ADAT2: variants seen among roughly 807,000 people sequenced by gnomAD.
The protein encoded by ADAT2 is tRNA-specific adenosine-34 deaminase catalytic subunit ADAT2.
Under a neutral mutation model 25.9 loss-of-function variants are expected in ADAT2, and 26 were observed. The observed-to-expected ratio is 1.00, with a 90% CI of 0.74 to 1.39. The LOEUF (loss-of-function observed/expected upper bound fraction) is 1.39, where lower values mean the gene tolerates loss of function less well. Ranked by LOEUF, ADAT2 falls within the 40% of genes most tolerant of loss-of-function variation. The pLI is 0.00. For missense variants in ADAT2, 220 were observed against 244.8 expected (o/e 0.90, Z 0.68); for synonymous variants, 76 against 86.8 (o/e 0.88, Z 0.69).
chr6:143,430,459 C>T (rs1442611249), intron 4 of ADAT2, among the ~76,000 whole-genome samples: 1 of 151,986 alleles, frequency 6.6e-6, no homozygotes, highest in Non-Finnish European at 1.5e-5. Flanking sequence ...TTACAGGCCT[C>T]GAAGGAAACT....
At position 143,425,582 on chromosome 6, in the gene ADAT2, G is replaced by C. The variant is rs888702938; in HGVS notation, c.*2881C>G. 1 of 151,910 alleles carries C rather than the reference G, an allele frequency of 6.6e-6. No homozygotes were observed. Among genetic ancestry groups the C allele is most frequent in the African/African-American group, 2.4e-5 (1 of 41,334 alleles). The allele number at this position is 151,910 out of a possible 1,614,324, so 9.4% of individuals were successfully genotyped here. On this transcript the variant is annotated 3_prime_UTR_variant, in exon 6 of 6. Coordinates refer to ENST00000237283, the MANE Select transcript of ADAT2 (RefSeq NM_182503.3). ...ACCCTAGACTGGACCTGGGATTATA[G>C]GGTAGTGGGAGAACTTCTTTACAGG...
At position 143,428,226 on chromosome 6, in the gene ADAT2, AT is replaced by A; in HGVS notation, c.*236del. The A allele has an allele frequency of 5.3e-6, 3 of 567,036 alleles. No homozygotes were observed. Among genetic ancestry groups the A allele is most frequent in the Non-Finnish European group, 9.3e-6 (3 of 323,222 alleles). 35.1% of individuals were successfully genotyped at this position (567,036 alleles called of 1,614,324 possible). ...CTAATTTCTAAAACCTCAAACCTTA[AT>A]TTTCCCCCATCTTAAAATGGGAATC... On this transcript the variant is annotated 3_prime_UTR_variant, in exon 6 of 6. Coordinates refer to ENST00000237283, the MANE Select transcript of ADAT2 (RefSeq NM_182503.3). This position sits in a 1 kb window ranked among gnomAD's most constrained non-coding sequence, Gnocchi z 5.0.
intron 4 of ADAT2, among the ~76,000 whole-genome samples, chr6:143,431,459 A>G (rs1779114196): frequency 6.6e-6 from 1 of 152,254 alleles, no homozygotes; most frequent in African/African-American, 2.4e-5. Context: ...TGAGCTACTA[A>G]CAGAAGTGAT....
chr6:143,447,178 G>T (rs1014147871), intron 1 of ADAT2, among the ~76,000 whole-genome samples: 10 of 152,200 alleles, frequency 6.6e-5, no homozygotes, highest in Admixed American at 3.3e-4. Context: ...TTATATGTGG[G>T]TGCTGACTAC....
chr6:143,431,853 G>A (rs907634151), intron 4 of ADAT2, among the ~76,000 whole-genome samples: 1 of 152,158 alleles, frequency 6.6e-6, no homozygotes, highest in African/African-American at 2.4e-5. Context: ...TAGGGGTATA[G>A]TCACAGGCCA....
intron 1 of ADAT2, among the ~76,000 whole-genome samples, chr6:143,448,018 C>T (rs1051114038): frequency 3.9e-5 from 6 of 152,134 alleles, no homozygotes; most frequent in Admixed American, 6.5e-5. Flanking sequence ...CAATTATAGA[C>T]TGGATTAAGC....
intron 1 of ADAT2, among the ~76,000 whole-genome samples, chr6:143,441,108 C>A (rs9496636): frequency 0.23 from 35,130 of 152,086 alleles, 4,638 homozygotes; most frequent in Middle Eastern, 0.3. Context: ...TTGATTGGGG[C>A]TCACTAAAAT....
intron 1 of ADAT2, 77 bp from the exon 2 acceptor site, chr6:143,438,771 T>C (rs143680709): frequency 8.4e-7 from 1 of 1,187,388 alleles, no homozygotes. Flanking sequence ...AGATGCAGCA[T>C]GAACAAGATA....
In ADAT2 at chr6:143,444,873, C is replaced by T; in HGVS notation, c.96+5690G>A. 3 of 1,224,708 alleles carry T rather than the reference C, an allele frequency of 2.4e-6. No homozygotes were observed. The highest frequency in any genetic ancestry group is 3.2e-6 in the Non-Finnish European group (3 of 925,696). The allele number at this position is 1,224,708 out of a possible 1,614,324, so 75.9% of individuals were successfully genotyped here. A position where few individuals can be genotyped will look rare whatever the true frequency, so the allele number is the denominator to read the frequency against. On this transcript the variant is annotated intron_variant, in intron 1 of 5. Transcript: ENST00000237283. The surrounding 1 kb of genome is among the most constrained non-coding windows in gnomAD (Gnocchi z 4.3). ...ATTATTTTCTCCAAAGACATTACTA[C>T]TATAAACTGCTTTCTAGTGATGTCA...
chr6:143,437,672 C>T lies in ADAT2; in HGVS notation c.201+918G>A, dbSNP rs1779331103. ...TTTGTGAATCTGGATTCCTATTTTA[C>T]ATGTGTTTTGCTAAATATCAGTTTT... On this transcript the variant is annotated intron_variant, in intron 2 of 5. Transcript: ENST00000237283. The surrounding 1 kb of genome is among the most constrained non-coding windows in gnomAD (Gnocchi z 4.1). 6.6e-6 allele frequency among the ~76,000 whole-genome samples: 1 copy of T among 152,042 alleles called. No homozygotes were observed. Among genetic ancestry groups the T allele is most frequent in the South Asian group, 2.1e-4 (1 of 4,828 alleles).
At position 143,433,012 on chromosome 6, in the gene ADAT2, C is replaced by A. The variant is rs959659197; in HGVS notation, c.353-401G>T. 7.2e-5 allele frequency among the ~76,000 whole-genome samples: 11 copies of A among 152,226 alleles called. No individual in the cohort carries two copies. In the South Asian group the frequency reaches 1.0e-3, roughly 14 times the overall value. On this transcript the variant is annotated intron_variant, in intron 3 of 5. Coordinates refer to ENST00000237283, the MANE Select transcript of ADAT2 (RefSeq NM_182503.3). ...TGTTCTTGCCCCAAATAAAATATAA[C>A]CTGTGCCCTAATACAAAATAGACTA... is the stretch of plus-strand genomic sequence containing the variant.
chr6:143,444,880 C>G lies in ADAT2; in HGVS notation c.96+5683G>C. On this transcript the variant is annotated intron_variant, in intron 1 of 5. Coordinates refer to ENST00000237283, the MANE Select transcript of ADAT2 (RefSeq NM_182503.3). The surrounding 1 kb of genome is among the most constrained non-coding windows in gnomAD (Gnocchi z 4.3). Reference sequence around the variant, plus strand: ...TCTCCAAAGACATTACTACTATAAACTGCTTTCTAGTGATGTCATGATAAA... The same window carrying G: ...TCTCCAAAGACATTACTACTATAAAGTGCTTTCTAGTGATGTCATGATAAA... The G allele has an allele frequency of 8.1e-7, 1 of 1,240,834 alleles. No homozygotes were observed. Among genetic ancestry groups the G allele is most frequent in the East Asian group, 5.9e-5 (1 of 17,046 alleles). 76.9% of individuals were successfully genotyped at this position (1,240,834 alleles called of 1,614,324 possible). A position where few individuals can be genotyped will look rare whatever the true frequency, so the allele number is the denominator to read the frequency against.
At chr6:143,447,182 T>C (rs1350910007) in intron 1 of ADAT2, among the ~76,000 whole-genome samples, 1 of 152,256 alleles carries the variant, frequency 6.6e-6, no homozygotes, top group Non-Finnish European at 1.5e-5. Flanking sequence ...ATGTGGGTGC[T>C]GACTACTTGA....
rs1262786213 is a variant in ADAT2 at position 143,444,944 on chromosome 6, T to G, written c.96+5619A>C. 1 of 1,303,464 alleles carries G rather than the reference T, an allele frequency of 7.7e-7. No homozygotes were observed. The highest frequency in any genetic ancestry group is 1.5e-5 in the African/African-American group (1 of 65,910). 80.7% of individuals were successfully genotyped at this position (1,303,464 alleles called of 1,614,324 possible). A position where few individuals can be genotyped will look rare whatever the true frequency, so the allele number is the denominator to read the frequency against. On this transcript the variant is annotated intron_variant, in intron 1 of 5. Coordinates refer to ENST00000237283, the MANE Select transcript of ADAT2 (RefSeq NM_182503.3). The surrounding 1 kb of genome is among the most constrained non-coding windows in gnomAD (Gnocchi z 4.3). ...GAAACAGACCTTGTTTGCACACAGTTTGATGAGTCCTTAAAGAAATATTTC... is the reference window on the plus strand; with the variant it reads ...GAAACAGACCTTGTTTGCACACAGTGTGATGAGTCCTTAAAGAAATATTTC...
intron 2 of ADAT2, among the ~76,000 whole-genome samples, chr6:143,438,222 A>G (rs901633631): frequency 2.0e-5 from 3 of 152,218 alleles, no homozygotes; most frequent in African/African-American, 4.8e-5. Context: ...TGAAAATTTC[A>G]TATATTAGAT....
Position 143,444,484 on chromosome 6 carries a change from A to C in ADAT2, c.97-5790T>G, listed in dbSNP as rs1430746189. ...TTAAGCTGGAAATCAATTTCACCCC[A>C]TACCCATATCATACTTTCAAACTCT... On this transcript the variant is annotated intron_variant, in intron 1 of 5. Transcript: ENST00000237283. The surrounding 1 kb of genome is among the most constrained non-coding windows in gnomAD (Gnocchi z 4.3). 6.6e-6 allele frequency: 1 copy of C among 152,638 alleles called. No homozygotes were observed. The highest frequency in any genetic ancestry group is 1.5e-5 in the Non-Finnish European group (1 of 68,392). The allele number at this position is 152,638 out of a possible 1,614,324, so 9.5% of individuals were successfully genotyped here. A position where few individuals can be genotyped will look rare whatever the true frequency, so the allele number is the denominator to read the frequency against.
In ADAT2 at chr6:143,428,193, A is replaced by G; in HGVS notation, c.*270T>C. ...GGCACTTGTGGCTAGAAGGGTATGC[A>G]CTACTTGCTAATTTCTAAAACCTCA... On this transcript the variant is annotated 3_prime_UTR_variant, in exon 6 of 6. Coordinates refer to ENST00000237283, the MANE Select transcript of ADAT2 (RefSeq NM_182503.3). The surrounding 1 kb of genome is among the most constrained non-coding windows in gnomAD (Gnocchi z 5.0). 2 of 497,978 alleles carry G rather than the reference A, an allele frequency of 4.0e-6. No individual in the cohort carries two copies. The highest frequency in any genetic ancestry group is 3.6e-5 in the East Asian group (1 of 28,100). 30.8% of individuals were successfully genotyped at this position (497,978 alleles called of 1,614,324 possible). A position where few individuals can be genotyped will look rare whatever the true frequency, so the allele number is the denominator to read the frequency against.
rs995571508 is a variant in ADAT2 at position 143,434,926 on chromosome 6, C to G, written c.202-945G>C. ...AAATTCTGTGTAGGATAAAAAGTCT[C>G]TGTCCTCAACAAGCATAAAATCTGG... is the stretch of plus-strand genomic sequence containing the variant. On this transcript the variant is annotated intron_variant, in intron 2 of 5. Coordinates refer to ENST00000237283, the MANE Select transcript of ADAT2 (RefSeq NM_182503.3). The surrounding 1 kb of genome is among the most constrained non-coding windows in gnomAD (Gnocchi z 4.5). 2.0e-5 allele frequency among the ~76,000 whole-genome samples: 3 copies of G among 152,096 alleles called. No homozygotes were observed. The highest frequency in any genetic ancestry group is 7.2e-5 in the African/African-American group (3 of 41,410).
chr6:143,447,639 T>C lies in ADAT2; in HGVS notation c.96+2924A>G, dbSNP rs1171447001. The stretch of plus-strand genomic sequence containing the variant: ...GAATTTTTTATGACCATGAATTATT[T>C]ACATAACCAGAAAAAGAAAACATTA... On this transcript the variant is annotated intron_variant, in intron 1 of 5. Transcript: ENST00000237283. Among the ~76,000 whole-genome samples the C allele has an allele frequency of 2.0e-5, 3 of 152,044 alleles. No individual in the cohort carries two copies. In the East Asian group the frequency reaches 5.8e-4, roughly 29 times the overall value.
Sources: gnomAD v4.1 joint callset for allele counts (sites outside exome capture counted in the v4.1 genomes callset) on GRCh38, gnomAD v4.1.1 for gene constraint, Gnocchi (gnomAD v3.1) non-coding constraint, MANE v1.5 for transcripts, NCBI Gene and HGNC (gene_info 2026-07-23, HGNC 2026-07-21) for gene names.